The following AP4S1 variants were observed in gnomAD, a reference collection of about 807,000 sequenced individuals.
AP4S1 encodes the protein adaptor related protein complex 4 subunit sigma 1.
Under a neutral mutation model 19.8 loss-of-function variants are expected in AP4S1, and 23 were observed. The ratio of observed to expected loss-of-function variants is 1.16; its 90% confidence interval spans 0.84 to 1.65. AP4S1 has a LOEUF of 1.65. Ranked by LOEUF, AP4S1 falls within the 40% of genes most tolerant of loss-of-function variation. The probability of loss-of-function intolerance (pLI) is 0.00; values close to 1 mark genes in which losing one functional copy is unlikely to be tolerated. For synonymous variants in AP4S1, 46 were observed against 54.1 expected (o/e 0.85, Z 0.66); for missense variants, 166 against 172.8 (o/e 0.96, Z 0.22).
At chr14:31,082,182 C>T (rs757214045) in intron 5 of AP4S1, among the ~76,000 whole-genome samples, 9 of 152,018 alleles carry the variant, frequency 5.9e-5, no homozygotes, top group Admixed American at 2.6e-4. Flanking sequence ...AATCTGAGTG[C>T]CCTCTAGTGG....
chr14:31,074,137 C>G (rs571618482), intron 4 of AP4S1, among the ~76,000 whole-genome samples: 44 of 145,342 alleles, frequency 3.0e-4, no homozygotes, highest in African/African-American at 1.1e-3. Context: ...CCAGGCTGGC[C>G]AAAATGGTGA....
intron 1 of AP4S1, among the ~76,000 whole-genome samples, chr14:31,040,272 C>T (rs1885036861): frequency 6.6e-6 from 1 of 151,846 alleles, no homozygotes; most frequent in South Asian, 2.1e-4. Context: ...CCCCTCTCAG[C>T]CTCCCAAGTA....
At chr14:31,071,639 CG>C (rs908481758) in intron 3 of AP4S1, among the ~76,000 whole-genome samples, 1 of 152,020 alleles carries the variant, frequency 6.6e-6, no homozygotes, top group African/African-American at 2.4e-5. Context: ...AGGATGGTCT[CG>C]ATCTCCTGAC....
chr14:31,049,761 G>A (rs79797441), intron 1 of AP4S1, among the ~76,000 whole-genome samples: 24,328 of 151,140 alleles, frequency 0.16, 2,229 homozygotes, highest in African/African-American at 0.24. Flanking sequence ...CACCATACAC[G>A]GCTAATTTTT....
chr14:31,073,924 A>C (rs372021712), intron 4 of AP4S1, among the ~76,000 whole-genome samples: 1 of 152,282 alleles, frequency 6.6e-6, no homozygotes, highest in Non-Finnish European at 1.5e-5. Flanking sequence ...TTTGAGGGTC[A>C]AAAGTCAATT....
In AP4S1 at chr14:31,054,088, T is replaced by G. The variant is rs544866127; in HGVS notation, c.-71-12038T>G. On this transcript the variant is annotated intron_variant, in intron 1 of 5. Coordinates refer to ENST00000542754, the MANE Select transcript of AP4S1 (RefSeq NM_001128126.3). ...GAAAAAGCTTTCATTCATTCTTTCA[T>G]TTATTCAGTTAACATTTATTGGATG... Among the ~76,000 whole-genome samples the G allele has an allele frequency of 3.3e-5, 5 of 152,332 alleles. No homozygotes were observed. The South Asian group carries it at 1.0e-3, about 32-fold the overall frequency.
rs538421778 is a variant in AP4S1, at chr14:31,092,897, A to G, written c.307-10A>G. ...TTAACTTTAAACTAATTTCCTTAAT[A>G]TAACCGTAGATAATGTTTAATTTGG... On this transcript the variant is annotated splice_polypyrimidine_tract_variant and intron_variant, in intron 5 of 5. Coordinates refer to ENST00000542754, the MANE Select transcript of AP4S1 (RefSeq NM_001128126.3). 4 of 1,492,404 alleles carry G rather than the reference A, an allele frequency of 2.7e-6. No individual in the cohort carries two copies. In the African/African-American group the frequency reaches 5.7e-5, roughly 21 times the overall value. The allele number at this position is 1,492,404 out of a possible 1,614,324, so 92.4% of individuals were successfully genotyped here. A position where few individuals can be genotyped will look rare whatever the true frequency, so the allele number is the denominator to read the frequency against.
chr14:31,078,728 C>A (rs1215241922), intron 4 of AP4S1, among the ~76,000 whole-genome samples: 3 of 151,788 alleles, frequency 2.0e-5, no homozygotes, highest in African/African-American at 7.3e-5. Flanking sequence ...AGTCAGTGAC[C>A]ACATAAACCA....
At chr14:31,034,487 C>T (rs1307025926) in intron 1 of AP4S1, among the ~76,000 whole-genome samples, 3 of 152,088 alleles carry the variant, frequency 2.0e-5, no homozygotes, top group Admixed American at 6.6e-5. Flanking sequence ...AACAAACTCT[C>T]ACTGCATTGC....
rs1359302019 is a variant in AP4S1 at position 31,093,140 on chromosome 14, A to G, written c.*105A>G. The G allele has an allele frequency of 6.8e-6, 8 of 1,182,186 alleles. No homozygotes were observed. Among genetic ancestry groups the G allele is most frequent in the Non-Finnish European group, 9.3e-6 (8 of 862,070 alleles). The allele number at this position is 1,182,186 out of a possible 1,614,324, so 73.2% of individuals were successfully genotyped here. ...GAATCTGGAAGACCACAATTACAAA[A>G]TGGGGTATCCTTCCAAAGACATTAT... On this transcript the variant is annotated 3_prime_UTR_variant, in exon 6 of 6. Transcript: ENST00000542754.
At chr14:31,075,239 ATCTACT>A (rs750586288) in intron 4 of AP4S1, among the ~76,000 whole-genome samples, 17 of 151,986 alleles carry the variant, frequency 1.1e-4, no homozygotes, top group Non-Finnish European at 2.1e-4. Flanking sequence ...TCTTCATGAT[ATCTACT>A]TTTTTACTTC....
At chr14:31,054,748 G>C (rs1250973580) in intron 1 of AP4S1, among the ~76,000 whole-genome samples, 1 of 151,164 alleles carries the variant, frequency 6.6e-6, no homozygotes, top group African/African-American at 2.4e-5. Context: ...CGTGCCTCTA[G>C]TCCCAGCTAC....
intron 5 of AP4S1, among the ~76,000 whole-genome samples, chr14:31,087,144 C>T (rs1887942845): frequency 6.6e-6 from 1 of 152,052 alleles, no homozygotes; most frequent in Non-Finnish European, 1.5e-5. Flanking sequence ...TCAAGCGATC[C>T]TCCCACCTTG....
At chr14:31,077,221 G>A (rs1217759214) in intron 4 of AP4S1, among the ~76,000 whole-genome samples, 3 of 152,228 alleles carry the variant, frequency 2.0e-5, no homozygotes, top group East Asian at 1.9e-4. Flanking sequence ...ACAGGCGTGA[G>A]CCACCACACC....
At chr14:31,071,912 T>TG (rs1159761760) in intron 3 of AP4S1, among the ~76,000 whole-genome samples, 20 of 119,196 alleles carry the variant, frequency 1.7e-4, no homozygotes, top group South Asian at 3.4e-4. Context: ...TTTATTTATT[T>TG]ATTTATTTGA....
chr14:31,091,112 C>T (rs761112349), intron 5 of AP4S1, among the ~76,000 whole-genome samples: 1 of 152,178 alleles, frequency 6.6e-6, no homozygotes, highest in South Asian at 2.1e-4. Context: ...TGGGCAGTTG[C>T]TCAAGGGGAC....
At chr14:31,037,264 C>A (rs1254044373) in intron 1 of AP4S1, among the ~76,000 whole-genome samples, 1 of 151,998 alleles carries the variant, frequency 6.6e-6, no homozygotes, top group African/African-American at 2.4e-5. Context: ...TTGGCCCCAC[C>A]AATTAATTAG....
At chr14:31,040,042 T>C (rs1885018755) in intron 1 of AP4S1, among the ~76,000 whole-genome samples, 1 of 152,190 alleles carries the variant, frequency 6.6e-6, no homozygotes, top group Non-Finnish European at 1.5e-5. Flanking sequence ...AGCAATTGTT[T>C]TACAGAAACA....
At chr14:31,074,914 A>T (rs1434537527) in intron 4 of AP4S1, among the ~76,000 whole-genome samples, 1 of 151,886 alleles carries the variant, frequency 6.6e-6, no homozygotes, top group Non-Finnish European at 1.5e-5. Flanking sequence ...TACATAAGAG[A>T]TGTAGATATT....
Sources: allele counts gnomAD v4.1 joint callset (sites outside exome capture counted in the v4.1 genomes callset), GRCh38; gene constraint gnomAD v4.1.1; transcripts MANE v1.5; gene names NCBI Gene and HGNC (gene_info 2026-07-23, HGNC 2026-07-21).